Variants in TMTC2 observed in about 807,000 individuals in gnomAD.
TMTC2 encodes protein O-mannosyl-transferase TMTC2.
A neutral mutation model predicts 82.4 loss-of-function variants in TMTC2; 43 were observed. That is an observed-to-expected ratio of 0.52 (90% CI 0.41 to 0.67). The LOEUF is 0.67. TMTC2 is among the 30% of genes least tolerant of loss of function. The pLI, the probability that TMTC2 is intolerant of heterozygous loss-of-function variation, is 0.00. For missense variants in TMTC2, 919 were observed against 1,012.4 expected (o/e 0.91, Z 1.25); for synonymous variants, 408 against 381.9 (o/e 1.07, Z -0.80).
intron 1 of TMTC2, among the ~76,000 whole-genome samples, chr12:82,750,843 T>C (rs1400400397): frequency 6.6e-6 from 1 of 152,194 alleles, no homozygotes. Flanking sequence ...TAATACCTAT[T>C]GCAGGATAGG....
chr12:82,925,588 G>C (rs1330931599), intron 3 of TMTC2, among the ~76,000 whole-genome samples: 1 of 152,090 alleles, frequency 6.6e-6, no homozygotes, highest in East Asian at 1.9e-4. Flanking sequence ...AACAGCAAGT[G>C]CTGACTTCAT....
chr12:83,038,927 G>GTTTTTTTT (rs537630267), intron 9 of TMTC2, among the ~76,000 whole-genome samples: 1 of 109,102 alleles, frequency 9.2e-6, no homozygotes, highest in African/African-American at 3.6e-5. Context: ...AAGCACCTTG[G>GTTTTTTTT]TTTTTTTTTT....
chr12:82,794,052 C>A (rs955849701), intron 1 of TMTC2, among the ~76,000 whole-genome samples: 8 of 152,048 alleles, frequency 5.3e-5, no homozygotes, highest in Non-Finnish European at 4.4e-5. Flanking sequence ...TTTGATGGCT[C>A]CAGGGTGCTT....
At chr12:82,701,667 AG>A (rs1873090636) in intron 1 of TMTC2, among the ~76,000 whole-genome samples, 1 of 150,862 alleles carries the variant, frequency 6.6e-6, no homozygotes, top group Admixed American at 6.6e-5. Flanking sequence ...AGGCTGAGGC[AG>A]GAGAATCCCT....
chr12:83,081,708 A>C (rs1040402922), intron 11 of TMTC2, among the ~76,000 whole-genome samples: 1 of 152,164 alleles, frequency 6.6e-6, no homozygotes, highest in African/African-American at 2.4e-5. Flanking sequence ...CCTTTAAGAA[A>C]ATTTCCTGAG....
intron 1 of TMTC2, among the ~76,000 whole-genome samples, chr12:82,790,020 A>G (rs1205827670): frequency 6.6e-6 from 1 of 151,938 alleles, no homozygotes; most frequent in East Asian, 1.9e-4. Flanking sequence ...GGGGCAACAT[A>G]GTGAGACCTC....
At chr12:82,925,797 C>T (rs1459408381) in intron 3 of TMTC2, among the ~76,000 whole-genome samples, 1 of 151,678 alleles carries the variant, frequency 6.6e-6, no homozygotes, top group Non-Finnish European at 1.5e-5. Flanking sequence ...AACCCTATTC[C>T]TTGAGACAAA....
At chr12:82,725,665 G>T (rs1874413826) in intron 1 of TMTC2, among the ~76,000 whole-genome samples, 1 of 152,134 alleles carries the variant, frequency 6.6e-6, no homozygotes, top group Non-Finnish European at 1.5e-5. Flanking sequence ...TTTTATACAT[G>T]TTAGGGAGGC....
chr12:82,805,718 G>C (rs1313889039), intron 1 of TMTC2, among the ~76,000 whole-genome samples: 1 of 151,738 alleles, frequency 6.6e-6, no homozygotes, highest in African/African-American at 2.4e-5. Flanking sequence ...TGTTAGCCAG[G>C]ATGGTCTCGA....
At chr12:82,830,307 T>G (rs920779191) in intron 1 of TMTC2, among the ~76,000 whole-genome samples, 3 of 152,142 alleles carry the variant, frequency 2.0e-5, no homozygotes, top group African/African-American at 7.2e-5. Context: ...AAATGTTAAT[T>G]GATCCTCGAA....
Position 82,687,250 on chromosome 12 carries a change from T to G in TMTC2, c.-337T>G. ...TCACCTAGGACGCCCCAAACTGCCA[T>G]GGGTTAGGGTGGGGATCGCGACCCG... On this transcript the variant is annotated 5_prime_UTR_variant, in exon 1 of 12. The change abolishes an upstream ATG in the 5' untranslated region. Transcript: ENST00000321196. 2.4e-5 allele frequency: 9 copies of G among 367,860 alleles called. No individual in the cohort carries two copies. Among genetic ancestry groups the G allele is most frequent in the East Asian group, 1.2e-4 (2 of 16,006 alleles). 22.8% of individuals were successfully genotyped at this position (367,860 alleles called of 1,614,324 possible).
chr12:83,064,205 C>T (rs1479539581), intron 11 of TMTC2, among the ~76,000 whole-genome samples: 3 of 151,734 alleles, frequency 2.0e-5, no homozygotes, highest in Non-Finnish European at 1.5e-5. Flanking sequence ...AGAAGAACTA[C>T]CTGAGCTATC....
At chr12:83,118,675 A>T (rs1463484407) in intron 11 of TMTC2, among the ~76,000 whole-genome samples, 1 of 152,036 alleles carries the variant, frequency 6.6e-6, no homozygotes, top group African/African-American at 2.4e-5. Context: ...TTAGAGTGAT[A>T]CTGGCTTCAT....
intron 1 of TMTC2, among the ~76,000 whole-genome samples, chr12:82,773,502 C>G (rs1052909763): frequency 6.6e-6 from 1 of 151,432 alleles, no homozygotes; most frequent in Non-Finnish European, 1.5e-5. Flanking sequence ...GCTCTGTCAC[C>G]CAGGCTGGAG....
At chr12:82,815,137 C>T (rs1399305164) in intron 1 of TMTC2, among the ~76,000 whole-genome samples, 1 of 151,330 alleles carries the variant, frequency 6.6e-6, no homozygotes, top group Non-Finnish European at 1.5e-5. Flanking sequence ...CATGTAAGCT[C>T]CTGGTTCATG....
intron 8 of TMTC2, among the ~76,000 whole-genome samples, chr12:82,997,110 T>C (rs1592682148): frequency 6.8e-6 from 1 of 147,432 alleles, no homozygotes; most frequent in African/African-American, 2.5e-5. Context: ...TCTGCTGATA[T>C]GGAAGAGGAC....
intron 9 of TMTC2, among the ~76,000 whole-genome samples, chr12:83,044,923 G>T (rs78154718): frequency 1.7e-3 from 263 of 152,288 alleles, no homozygotes; most frequent in African/African-American, 6.1e-3. Flanking sequence ...AGCAGGATTT[G>T]AGCCTATGGC....
chr12:82,833,025 C>T (rs778998810), intron 1 of TMTC2, among the ~76,000 whole-genome samples: 1 of 152,204 alleles, frequency 6.6e-6, no homozygotes, highest in African/African-American at 2.4e-5. Flanking sequence ...GCACAAAAAT[C>T]AGTCTAATTG....
At chr12:83,051,331 G>T (rs548258518) in intron 10 of TMTC2, among the ~76,000 whole-genome samples, 2 of 151,652 alleles carry the variant, frequency 1.3e-5, no homozygotes, top group East Asian at 1.9e-4. Flanking sequence ...GCTATTATTA[G>T]TGTTACTGTA....
Sources: gnomAD v4.1 joint callset for allele counts (sites outside exome capture counted in the v4.1 genomes callset) on GRCh38, gnomAD v4.1.1 for gene constraint, MANE v1.5 for transcripts, NCBI Gene and HGNC (gene_info 2026-07-23, HGNC 2026-07-21) for gene names.